IQGAP3: variants seen among roughly 807,000 people sequenced by gnomAD.
The protein encoded by IQGAP3 is ras GTPase-activating-like protein IQGAP3.
A neutral mutation model predicts 208.2 loss-of-function variants in IQGAP3; 165 were observed. The ratio of observed to expected loss-of-function variants is 0.79; its 90% CI spans 0.70 to 0.90. IQGAP3 has a LOEUF of 0.90. Among genes scored for constraint, IQGAP3 ranks in the 40% least tolerant of loss-of-function variants. The pLI is 0.00. For synonymous variants in IQGAP3, 703 were observed against 803.6 expected (o/e 0.87, Z 2.12); for missense variants, 1,811 against 2,043.1 (o/e 0.89, Z 2.19).
intron 15 of IQGAP3, 54 bp downstream of exon 15, chr1:156,551,639 TACAGTGCAACCC>T (rs2102409535): frequency 6.7e-7 from 1 of 1,498,144 alleles, no homozygotes; most frequent in African/African-American, 1.4e-5. Flanking sequence ...CCAGACTGGG[TACAGTGCAACCC>T]ACAGAGAATG....
rs754011719 is a variant in IQGAP3, at chr1:156,537,166, G to A, written c.3422+15C>T. On this transcript the variant is annotated intron_variant, in intron 27 of 37. Transcript: ENST00000361170. ...AAATCCCATGCGTAGGCTGGGGTGGGGCTGTTGCACATACGGAATTTGGTC... is the reference window on the plus strand; with the variant it reads ...AAATCCCATGCGTAGGCTGGGGTGGAGCTGTTGCACATACGGAATTTGGTC... 2.1e-5 allele frequency: 34 copies of A among 1,610,548 alleles called. No homozygotes were observed. The highest frequency in any genetic ancestry group is 2.7e-5 in the Non-Finnish European group (32 of 1,177,984).
At chr1:156,554,464 C>G (rs901344050) in intron 12 of IQGAP3, 72 bp from the exon 13 acceptor site, 1 of 1,433,894 alleles carries the variant, frequency 7.0e-7, no homozygotes, top group African/African-American at 1.4e-5. Context: ...CCATCCTGCC[C>G]CCAAGGTTCT....
At position 156,533,062 on chromosome 1, in the gene IQGAP3, C is replaced by A. The variant is rs1447231849; in HGVS notation, c.4021G>T (p.Glu1341Ter). Residue 1341 changes from glutamate (E) to a stop codon, truncating the protein, a stop_gained, in exon 32 of 38, where the codon GAA (glutamate) becomes TAA (stop). Coordinates refer to ENST00000361170, the MANE Select transcript of IQGAP3 (RefSeq NM_178229.5). LOFTEE classifies it high-confidence loss of function. ...TTGTTGGTCAGCGTCAGGGACACTT[C>A]TAGCTTGCTCAGGTCCGTGTGCCCA... ...ADGHTDLSKL[E>*]VSLTLTNKFE... 1 of 1,614,122 alleles carries A rather than the reference C, an allele frequency of 6.2e-7. No individual in the cohort carries two copies. The highest frequency in any genetic ancestry group is 8.5e-7 in the Non-Finnish European group (1 of 1,179,996).
chr1:156,551,981 C>T lies in IQGAP3; in HGVS notation c.1563G>A (p.Glu521=). 6.2e-7 allele frequency: 1 copy of T among 1,613,876 alleles called. No homozygotes were observed. Among genetic ancestry groups the T allele is most frequent in the African/African-American group, 1.3e-5 (1 of 75,060 alleles). The change falls in exon 14 of 38, where the codon GAG becomes GAA. Residue 521 remains glutamate, a synonymous_variant. Transcript: ENST00000361170. ...VSQVNAQTQE[E]TDRVLAVSLI... Reference sequence around the variant, plus strand: ...GCTCCAGACTATACTTACGGTCAGTCTCTTCCTGGGTCTGTGCATTGACCT... The same window carrying T: ...GCTCCAGACTATACTTACGGTCAGTTTCTTCCTGGGTCTGTGCATTGACCT...
chr1:156,552,146 C>T (rs1375954258), intron 13 of IQGAP3, 51 bp from the exon 14 acceptor site: 2 of 1,596,856 alleles, frequency 1.3e-6, no homozygotes, highest in South Asian at 2.3e-5. Flanking sequence ...AATCATCAGC[C>T]AGAAGTCAGG....
rs115896457 is a variant in IQGAP3, at chr1:156,537,672, A to G, written c.3282-351T>C. ...TGGAGAGGCTGGGCCAGAGCCTTAT[A>G]GTTCCCTCACCTAAAGCCTCCTGTG... On this transcript the variant is annotated intron_variant, in intron 26 of 37. Transcript: ENST00000361170. Among the ~76,000 whole-genome samples the G allele has an allele frequency of 7.8e-3, 1,190 of 152,218 alleles. 19 individuals carry two copies. The highest frequency in any genetic ancestry group is 0.027 in the African/African-American group (1,125 of 41,528).
intron 26 of IQGAP3, among the ~76,000 whole-genome samples, chr1:156,538,455 G>T (rs1456478013): frequency 6.6e-6 from 1 of 152,174 alleles, no homozygotes; most frequent in Non-Finnish European, 1.5e-5. Flanking sequence ...CCCCCAAAGT[G>T]CTGGGATTAC....
At chr1:156,550,777 TCCTGAC>T (rs1156941798) in intron 15 of IQGAP3, among the ~76,000 whole-genome samples, 1 of 152,116 alleles carries the variant, frequency 6.6e-6, no homozygotes, top group Non-Finnish European at 1.5e-5. Flanking sequence ...CTCAGGCCAA[TCCTGAC>T]CCTGACCCTT....
At chr1:156,553,085 AC>A in intron 13 of IQGAP3, among the ~76,000 whole-genome samples, 1 of 152,204 alleles carries the variant, frequency 6.6e-6, no homozygotes, top group South Asian at 2.1e-4. Flanking sequence ...TGATTGCATC[AC>A]TGCACTCCAG....
At chr1:156,541,334 T>C (rs1193111636) in intron 22 of IQGAP3, among the ~76,000 whole-genome samples, 2 of 151,906 alleles carry the variant, frequency 1.3e-5, no homozygotes, top group Non-Finnish European at 2.9e-5. Flanking sequence ...CACTCAGCCC[T>C]GCTTGCTCCC....
intron 26 of IQGAP3, among the ~76,000 whole-genome samples, chr1:156,537,821 C>T (rs1451761042): frequency 2.6e-5 from 4 of 152,106 alleles, no homozygotes; most frequent in African/African-American, 9.7e-5. Context: ...TCTCATTTGC[C>T]TATTCATCTG....
chr1:156,561,381 G>C (rs1557943503), intron 10 of IQGAP3, among the ~76,000 whole-genome samples: 1 of 152,108 alleles, frequency 6.6e-6, no homozygotes, highest in Non-Finnish European at 1.5e-5. Context: ...TGGCCAGGCT[G>C]GTCTCAAACT....
chr1:156,564,816 G>A (rs1312699989), intron 4 of IQGAP3, 125 bp from the exon 5 acceptor site: 10 of 714,760 alleles, frequency 1.4e-5, no homozygotes, highest in Non-Finnish European at 2.6e-5. Context: ...GTTACCTGGG[G>A]TGTCTAGGTC....
chr1:156,546,170 C>A (rs966662127), intron 19 of IQGAP3, among the ~76,000 whole-genome samples: 1 of 152,198 alleles, frequency 6.6e-6, no homozygotes, highest in African/African-American at 2.4e-5. Context: ...CACTACCCAA[C>A]CTCCACCAGG....
At chr1:156,543,906 G>A in intron 22 of IQGAP3, 75 bp downstream of exon 22, 1 of 1,269,596 alleles carries the variant, frequency 7.9e-7, no homozygotes, top group South Asian at 1.2e-5. Flanking sequence ...AGTCGCAGAA[G>A]GATGTCTAGA....
chr1:156,548,264 C>T (rs754187072), intron 18 of IQGAP3, 21 bp from the exon 19 acceptor site: 162 of 1,610,758 alleles, frequency 1.0e-4, no homozygotes, highest in East Asian at 1.8e-4. Flanking sequence ...AGGAGAGAGA[C>T]GCTGTGGTCT....
At chr1:156,564,095 GGAGA>G (rs1169815032) in intron 5 of IQGAP3, among the ~76,000 whole-genome samples, 1 of 152,130 alleles carries the variant, frequency 6.6e-6, no homozygotes, top group African/African-American at 2.4e-5. Flanking sequence ...GTCACTCAAT[GGAGA>G]GAGAGGACAG....
intron 16 of IQGAP3, among the ~76,000 whole-genome samples, chr1:156,549,470 C>CA (rs11317404): frequency 0.012 from 927 of 79,860 alleles, 14 homozygotes; most frequent in African/African-American, 0.027. Flanking sequence ...CACTCTGTCT[C>CA]AAAAAAAAAA....
At chr1:156,561,698 C>T in intron 10 of IQGAP3, 140 bp downstream of exon 10, 1 of 840,540 alleles carries the variant, frequency 1.2e-6, no homozygotes, top group Non-Finnish European at 1.9e-6. Flanking sequence ...TCTACTAGGC[C>T]TTGGGGTGAT....
Sources: gnomAD v4.1 joint callset for allele counts (sites outside exome capture counted in the v4.1 genomes callset) on GRCh38, gnomAD v4.1.1 for gene constraint, MANE v1.5 for transcripts, NCBI Gene and HGNC (gene_info 2026-07-23, HGNC 2026-07-21) for gene names.